Variants in NRXN1 observed in about 807,000 individuals in gnomAD.
NRXN1 encodes the protein neurexin 1.
Under a neutral mutation model 150.9 loss-of-function variants are expected in NRXN1, and 39 were observed. That is an observed-to-expected ratio of 0.26 (90% confidence interval 0.20 to 0.34). The LOEUF is 0.34. Ranked by LOEUF, NRXN1 falls within the 10% of genes least tolerant of loss-of-function variation. The pLI, the probability that NRXN1 is intolerant of heterozygous loss-of-function variation, is 1.00. For missense variants in NRXN1, 1,815 were observed against 1,949.9 expected (o/e 0.93, Z 1.30); for synonymous variants, 924 against 757.0 (o/e 1.22, Z -3.62).
At chr2:49,980,098 T>A (rs142236527) in intron 21 of NRXN1, among the ~76,000 whole-genome samples, 3,576 of 152,218 alleles carry the variant, frequency 0.023, 84 homozygotes, top group Non-Finnish European at 0.035. Flanking sequence ...CTCAGAGGGA[T>A]TAAATAACAT....
intron 18 of NRXN1, among the ~76,000 whole-genome samples, chr2:50,147,711 C>T (rs1425032817): frequency 2.6e-5 from 4 of 151,768 alleles, no homozygotes; most frequent in Non-Finnish European, 5.9e-5. Flanking sequence ...ATAAAAACCA[C>T]TTAGTTAGAT....
At position 50,552,806 on chromosome 2, in the gene NRXN1, T is replaced by C; in HGVS notation, c.1540A>G (p.Asn514Asp). The C allele has an allele frequency of 6.2e-7, 1 of 1,613,962 alleles. No homozygotes were observed. The highest frequency in any genetic ancestry group is 8.5e-7 in the Non-Finnish European group (1 of 1,179,852). ...ISFDFRTTEP[N>D]GLILFSHGKP... Reference sequence around the variant, plus strand: ...CCATGGCTAAATAAGATGAGGCCATTTGGCTCTGTTGTACGGAAATCAAAT... The same window carrying C: ...CCATGGCTAAATAAGATGAGGCCATCTGGCTCTGTTGTACGGAAATCAAAT... The change falls in exon 9 of 23, where the codon AAT (asparagine) becomes GAT (aspartate). Residue 514 changes from asparagine to aspartate, a missense_variant. Asn to Asp is a conservative substitution (Grantham distance 23). Coordinates refer to ENST00000401669, the MANE Select transcript of NRXN1 (RefSeq NM_001330078.2).
intron 17 of NRXN1, among the ~76,000 whole-genome samples, chr2:50,391,602 C>G (rs1335274750): frequency 6.6e-6 from 1 of 152,052 alleles, no homozygotes; most frequent in East Asian, 1.9e-4. Flanking sequence ...TGGTTTTTGT[C>G]ACAATGCAGC....
intron 18 of NRXN1, among the ~76,000 whole-genome samples, chr2:50,197,769 CAATA>C (rs1559073679): frequency 1.3e-5 from 2 of 152,038 alleles, no homozygotes; most frequent in East Asian, 1.9e-4. Flanking sequence ...AGATTTTCAT[CAATA>C]AATAAAGAGA....
chr2:50,817,635 G>T (rs894570522), intron 5 of NRXN1, among the ~76,000 whole-genome samples: 1 of 151,948 alleles, frequency 6.6e-6, no homozygotes, highest in African/African-American at 2.4e-5. Flanking sequence ...AAATTTAACA[G>T]CATATTAAAA....
At chr2:50,551,050 G>GGAAGAAGAAGAAGAA (rs1204760729) in intron 9 of NRXN1, among the ~76,000 whole-genome samples, 157 of 79,006 alleles carry the variant, frequency 2.0e-3, no homozygotes, top group African/African-American at 0.011. Flanking sequence ...AAGAGGAAGA[G>GGAAGAAGAAGAAGAA]GAAGAAGAAG....
intron 17 of NRXN1, among the ~76,000 whole-genome samples, chr2:50,415,951 C>T (rs7575728): frequency 0.32 from 32,931 of 103,192 alleles, 4,699 homozygotes; most frequent in African/African-American, 0.54. Flanking sequence ...TATTCAACAA[C>T]ATACAAAAAA....
intron 2 of NRXN1, among the ~76,000 whole-genome samples, chr2:50,978,786 C>T (rs977168420): frequency 3.9e-5 from 6 of 151,930 alleles, no homozygotes; most frequent in South Asian, 2.1e-4. Flanking sequence ...ATTATGATAA[C>T]GAGAAAACAT....
At chr2:50,459,156 A>G (rs1376855068) in intron 17 of NRXN1, among the ~76,000 whole-genome samples, 1 of 152,118 alleles carries the variant, frequency 6.6e-6, no homozygotes, top group African/African-American at 2.4e-5. Context: ...TAATTATATT[A>G]TTTTAAAATA....
intron 17 of NRXN1, among the ~76,000 whole-genome samples, chr2:50,289,462 G>A (rs1227798654): frequency 6.6e-6 from 1 of 151,982 alleles, no homozygotes; most frequent in Non-Finnish European, 1.5e-5. Flanking sequence ...CTTATTCACT[G>A]CCTTTTCATA....
intron 5 of NRXN1, among the ~76,000 whole-genome samples, chr2:50,789,356 A>G (rs1705614231): frequency 6.6e-6 from 1 of 152,190 alleles, no homozygotes; most frequent in Non-Finnish European, 1.5e-5. Context: ...TTGAAGCTTC[A>G]TCTTTCAAGC....
chr2:50,793,190 C>A (rs1706302096), intron 5 of NRXN1, among the ~76,000 whole-genome samples: 1 of 152,002 alleles, frequency 6.6e-6, no homozygotes, highest in Non-Finnish European at 1.5e-5. Context: ...GTGTAAAATA[C>A]AAGAAAAGTA....
intron 5 of NRXN1, among the ~76,000 whole-genome samples, chr2:50,757,558 G>T (rs144141400): frequency 7.2e-5 from 11 of 151,862 alleles, no homozygotes; most frequent in African/African-American, 2.4e-4. Context: ...AGTAAGTACA[G>T]AATAAGTCAT....
At chr2:50,117,580 G>C (rs537794380) in intron 18 of NRXN1, among the ~76,000 whole-genome samples, 2 of 152,108 alleles carry the variant, frequency 1.3e-5, no homozygotes, top group African/African-American at 4.8e-5. Context: ...AGATGGATTA[G>C]AAGAACAAGT....
At chr2:50,011,538 A>G (rs1029998482) in intron 21 of NRXN1, among the ~76,000 whole-genome samples, 1 of 152,130 alleles carries the variant, frequency 6.6e-6, no homozygotes, top group African/African-American at 2.4e-5. Context: ...GTTTGTTTAT[A>G]AGCATAGATA....
chr2:50,988,428 TG>T (rs1698045428), intron 2 of NRXN1, among the ~76,000 whole-genome samples: 1 of 151,990 alleles, frequency 6.6e-6, no homozygotes, highest in African/African-American at 2.4e-5. Flanking sequence ...TAGACAGTTT[TG>T]TTTGGACAAA....
At chr2:50,887,968 A>T (rs1045744091) in intron 5 of NRXN1, among the ~76,000 whole-genome samples, 1 of 151,238 alleles carries the variant, frequency 6.6e-6, no homozygotes, top group Admixed American at 6.6e-5. Flanking sequence ...TAAGTAAAAA[A>T]AAAAAAAAAG....
chr2:50,623,272 G>T, intron 6 of NRXN1, 42 bp downstream of exon 6: 1 of 1,538,568 alleles, frequency 6.5e-7, no homozygotes, highest in African/African-American at 1.4e-5. Flanking sequence ...CAGCTATAGC[G>T]AGAAACAAAG....
At chr2:50,290,675 G>C (rs904913590) in intron 17 of NRXN1, among the ~76,000 whole-genome samples, 1 of 152,148 alleles carries the variant, frequency 6.6e-6, no homozygotes, top group Non-Finnish European at 1.5e-5. Flanking sequence ...GGACTGGAGG[G>C]GGCTGTTCTG....
Sources: allele counts gnomAD v4.1 joint callset (sites outside exome capture counted in the v4.1 genomes callset), GRCh38; gene constraint gnomAD v4.1.1; transcripts MANE v1.5; gene names NCBI Gene and HGNC (gene_info 2026-07-23, HGNC 2026-07-21).